Variants in ADGRG6 observed in about 807,000 individuals in gnomAD.
ADGRG6 encodes the protein adhesion G protein-coupled receptor G6.
A neutral mutation model predicts 142.4 loss-of-function variants in ADGRG6; 84 were observed. The observed-to-expected ratio is 0.59, with a 90% CI of 0.49 to 0.71. ADGRG6 has a LOEUF of 0.71. Ranked by LOEUF, ADGRG6 falls within the 30% of genes least tolerant of loss-of-function variation. ADGRG6 has a pLI of 0.00. For synonymous variants in ADGRG6, 521 were observed against 520.5 expected (o/e 1.00, Z -0.01); for missense variants, 1,367 against 1,466.6 (o/e 0.93, Z 1.11).
chr6:142,318,342 T>A (rs1171456253), intron 2 of ADGRG6, among the ~76,000 whole-genome samples: 2 of 92,620 alleles, frequency 2.2e-5, no homozygotes, highest in Non-Finnish European at 3.8e-5. Context: ...ATTTATATTA[T>A]ATATTTATAT....
At chr6:142,383,396 C>G (rs557371856) in intron 5 of ADGRG6, among the ~76,000 whole-genome samples, 1 of 152,248 alleles carries the variant, frequency 6.6e-6, no homozygotes, top group East Asian at 1.9e-4. Flanking sequence ...CTTTCTATAA[C>G]TTTTTCTTTT....
At chr6:142,417,151 T>C in intron 20 of ADGRG6, 122 bp from the exon 21 acceptor site, 1 of 720,590 alleles carries the variant, frequency 1.4e-6, no homozygotes, top group African/African-American at 1.7e-5. Context: ...ATCTGGGATA[T>C]GGAATGTTGG....
In ADGRG6 at chr6:142,425,938, C is replaced by T. The variant is rs116483911; in HGVS notation, c.3319+5834C>T. Among the ~76,000 whole-genome samples, 590 of 152,248 alleles carry T rather than the reference C, an allele frequency of 3.9e-3. 7 individuals are homozygous for T. The highest frequency in any genetic ancestry group is 0.014 in the African/African-American group (568 of 41,548). On this transcript the variant is annotated intron_variant, in intron 22 of 24. Coordinates refer to ENST00000367609, the MANE Select transcript of ADGRG6 (RefSeq NM_198569.3). ...ATCTTGTGAGATTCATTTACTATCA[C>T]GATAACAGCCCAGGAAAGACTTGCC...
rs530225758 is a variant in ADGRG6 at position 142,445,259 on chromosome 6, A to G, written c.*1744A>G. 1.3e-5 allele frequency: 2 copies of G among 152,268 alleles called. No individual in the cohort carries two copies. Among genetic ancestry groups the G allele is most frequent in the African/African-American group, 4.8e-5 (2 of 41,564 alleles). The allele number at this position is 152,268 out of a possible 1,614,324, so 9.4% of individuals were successfully genotyped here. A position where few individuals can be genotyped will look rare whatever the true frequency, so the allele number is the denominator to read the frequency against. ...TTGTATTCAGTAAAAAAGAATAGTA[A>G]ATATAAGGTCACTGAGATTCTAAGT... is the stretch of plus-strand genomic sequence containing the variant. On this transcript the variant is annotated 3_prime_UTR_variant, in exon 25 of 25. Transcript: ENST00000367609.
chr6:142,370,949 A>G (rs1398492789), intron 4 of ADGRG6, 156 bp downstream of exon 4: 2 of 764,890 alleles, frequency 2.6e-6, no homozygotes, highest in South Asian at 1.8e-5. Context: ...AGCTCTTTTA[A>G]TTTTTAAAAT....
At chr6:142,437,739 A>G (rs1276373202) in intron 23 of ADGRG6, among the ~76,000 whole-genome samples, 2 of 151,980 alleles carry the variant, frequency 1.3e-5, no homozygotes, top group African/African-American at 2.4e-5. Context: ...TGCAGAGGAG[A>G]AGCATGAATT....
chr6:142,348,963 G>T (rs553307209), intron 2 of ADGRG6, among the ~76,000 whole-genome samples: 1 of 152,124 alleles, frequency 6.6e-6, no homozygotes, highest in East Asian at 1.9e-4. Context: ...GCCTAAAGAG[G>T]GTTCTAAAAT....
intron 22 of ADGRG6, among the ~76,000 whole-genome samples, chr6:142,429,899 A>C (rs1324341624): frequency 6.6e-6 from 1 of 152,116 alleles, no homozygotes; most frequent in East Asian, 1.9e-4. Context: ...AAAAATAAAA[A>C]TAGAAAAATT....
intron 6 of ADGRG6, among the ~76,000 whole-genome samples, chr6:142,385,009 T>A (rs1781956482): frequency 6.6e-6 from 1 of 152,004 alleles, no homozygotes; most frequent in Admixed American, 6.6e-5. Flanking sequence ...ATATTTCACA[T>A]GGACTCTAGC....
chr6:142,436,998 A>G (rs1246140623), intron 22 of ADGRG6, among the ~76,000 whole-genome samples: 1 of 152,242 alleles, frequency 6.6e-6, no homozygotes, highest in Non-Finnish European at 1.5e-5. Context: ...ATACATATGT[A>G]AAATAGCTCA....
At chr6:142,328,117 TTATCTTGGAG>T (rs1479683101) in intron 2 of ADGRG6, among the ~76,000 whole-genome samples, 3 of 152,320 alleles carry the variant, frequency 2.0e-5, no homozygotes, top group African/African-American at 7.2e-5. Flanking sequence ...GTTTTTTCCA[TTATCTTGGAG>T]GTAAACCTCC....
At chr6:142,390,153 A>G in intron 6 of ADGRG6, 105 bp from the exon 7 acceptor site, 1 of 443,718 alleles carries the variant, frequency 2.3e-6, no homozygotes, top group Non-Finnish European at 3.9e-6. Flanking sequence ...TATGAATAAA[A>G]CTATATGATT....
chr6:142,407,513 G>A (rs975157305), intron 15 of ADGRG6, among the ~76,000 whole-genome samples: 5 of 152,180 alleles, frequency 3.3e-5, no homozygotes, highest in Non-Finnish European at 7.3e-5. Context: ...GAAAAAAATA[G>A]AGATGAACTT....
chr6:142,331,250 C>G (rs1283801448), intron 2 of ADGRG6, among the ~76,000 whole-genome samples: 1 of 152,076 alleles, frequency 6.6e-6, no homozygotes, highest in Non-Finnish European at 1.5e-5. Context: ...AGAAGATATG[C>G]TGCCTCTTTT....
At chr6:142,333,763 C>A in intron 2 of ADGRG6, among the ~76,000 whole-genome samples, 1 of 152,082 alleles carries the variant, frequency 6.6e-6, no homozygotes, top group East Asian at 1.9e-4. Flanking sequence ...GAGGCTGAAA[C>A]AATACAATAG....
intron 22 of ADGRG6, among the ~76,000 whole-genome samples, chr6:142,422,176 T>A (rs1021504337): frequency 5.3e-5 from 8 of 151,366 alleles, no homozygotes; most frequent in African/African-American, 1.7e-4. Context: ...TTTTTTTTTT[T>A]ATTATACTTT....
At chr6:142,318,323 AT>A (rs1778328166) in intron 2 of ADGRG6, among the ~76,000 whole-genome samples, 1 of 93,050 alleles carries the variant, frequency 1.1e-5, no homozygotes, top group Non-Finnish European at 1.9e-5. Flanking sequence ...ATATTTATAT[AT>A]TATATATATT....
intron 22 of ADGRG6, among the ~76,000 whole-genome samples, chr6:142,436,159 G>A (rs1223034742): frequency 6.6e-6 from 1 of 152,106 alleles, no homozygotes; most frequent in African/African-American, 2.4e-5. Context: ...ATAAAAATCA[G>A]TATGTGGTGC....
chr6:142,437,650 A>G (rs1284182616), intron 23 of ADGRG6, 115 bp downstream of exon 23: 1 of 657,346 alleles, frequency 1.5e-6, no homozygotes, highest in Non-Finnish European at 2.8e-6. Flanking sequence ...GAAGTGGAGC[A>G]TGTGAAGATG....
Sources: allele counts gnomAD v4.1 joint callset (sites outside exome capture counted in the v4.1 genomes callset), GRCh38; gene constraint gnomAD v4.1.1; transcripts MANE v1.5; gene names NCBI Gene and HGNC (gene_info 2026-07-23, HGNC 2026-07-21).